Variants in ATP9B observed in about 807,000 individuals in gnomAD.
The protein encoded by ATP9B is ATPase phospholipid transporting 9B, also known as probable phospholipid-transporting ATPase IIB.
Under a neutral mutation model 146.1 loss-of-function variants are expected in ATP9B, and 110 were observed. The ratio of observed to expected loss-of-function variants is 0.75; its 90% CI spans 0.65 to 0.88. The LOEUF is 0.88. Among genes scored for constraint, ATP9B ranks in the 40% least tolerant of loss-of-function variants. The pLI is 0.00. For synonymous variants in ATP9B, 604 were observed against 569.7 expected (o/e 1.06, Z -0.86); for missense variants, 1,499 against 1,496.4 (o/e 1.00, Z -0.03).
intron 8 of ATP9B, among the ~76,000 whole-genome samples, chr18:79,182,145 C>G (rs1453519947): frequency 6.6e-6 from 1 of 152,140 alleles, no homozygotes; most frequent in Non-Finnish European, 1.5e-5. Context: ...CTAATTAATC[C>G]TGTTGCTAGA....
At chr18:79,079,991 G>C (rs1052320015) in intron 1 of ATP9B, among the ~76,000 whole-genome samples, 3 of 152,124 alleles carry the variant, frequency 2.0e-5, no homozygotes, top group Non-Finnish European at 2.9e-5. Flanking sequence ...CCTCTTTTCT[G>C]TTACATTGGT....
At chr18:79,329,087 G>A in intron 15 of ATP9B, 54 bp from the exon 16 acceptor site, 2 of 1,450,354 alleles carry the variant, frequency 1.4e-6, no homozygotes, top group South Asian at 1.5e-5. Flanking sequence ...TGGCTCGCCT[G>A]CGTGCGGCTT....
At chr18:79,072,036 T>A (rs2071911783) in intron 1 of ATP9B, among the ~76,000 whole-genome samples, 2 of 152,126 alleles carry the variant, frequency 1.3e-5, no homozygotes, top group Admixed American at 6.5e-5. Context: ...GAAAGTTGGA[T>A]CTTATGTTGG....
In ATP9B at chr18:79,195,573, G is replaced by C. The variant is rs1165243148; in HGVS notation, c.954+2310G>C. Among the ~76,000 whole-genome samples, 3 of 152,088 alleles carry C rather than the reference G, an allele frequency of 2.0e-5. No homozygotes were observed. In the East Asian group the frequency reaches 5.8e-4, roughly 29 times the overall value. ...GTTACTAACCAAACAATGGTACTTAGGAAAGAACACCATAAATCAGACATT... is the reference window on the plus strand; with the variant it reads ...GTTACTAACCAAACAATGGTACTTACGAAAGAACACCATAAATCAGACATT... On this transcript the variant is annotated intron_variant, in intron 9 of 29. Coordinates refer to ENST00000426216, the MANE Select transcript of ATP9B (RefSeq NM_198531.5).
At chr18:79,131,850 C>T (rs2094382867) in intron 5 of ATP9B, among the ~76,000 whole-genome samples, 1 of 152,180 alleles carries the variant, frequency 6.6e-6, no homozygotes, top group African/African-American at 2.4e-5. Context: ...GTGGAAGAAG[C>T]CAGATGAAAA....
At chr18:79,101,634 C>T (rs952532044) in intron 2 of ATP9B, among the ~76,000 whole-genome samples, 7 of 151,154 alleles carry the variant, frequency 4.6e-5, no homozygotes, top group African/African-American at 1.5e-4. Flanking sequence ...GTTGCTGTAC[C>T]ATTTTACATT....
intron 1 of ATP9B, among the ~76,000 whole-genome samples, chr18:79,089,103 C>G (rs964477541): frequency 1.3e-5 from 2 of 151,958 alleles, no homozygotes; most frequent in African/African-American, 4.8e-5. Flanking sequence ...TTTGGCGATG[C>G]AGGGGGAAAG....
intron 12 of ATP9B, among the ~76,000 whole-genome samples, chr18:79,266,470 A>C (rs1310437151): frequency 1.3e-5 from 2 of 151,922 alleles, no homozygotes; most frequent in African/African-American, 4.8e-5. Context: ...TTTCTGCAGC[A>C]AAGATCTTCA....
intron 7 of ATP9B, among the ~76,000 whole-genome samples, 170 bp from the exon 8 acceptor site, chr18:79,176,643 G>GA (rs1488689502): frequency 1.3e-5 from 2 of 152,160 alleles, no homozygotes; most frequent in African/African-American, 4.8e-5. Flanking sequence ...GTGAATCAAG[G>GA]AACATTGTGT....
rs371805982 is a variant in ATP9B, at chr18:79,220,050, TA to T, written c.1107+6013del. Among the ~76,000 whole-genome samples, 13 of 152,230 alleles carry T rather than the reference TA, an allele frequency of 8.5e-5. No homozygotes were observed. In the South Asian group the frequency reaches 1.7e-3, roughly 19 times the overall value. On this transcript the variant is annotated intron_variant, in intron 11 of 29. Transcript: ENST00000426216. ...AGGAGCCCCAACGCAGAAGCAGAGA[TA>T]GGCTGCTGGGCTGGTGCAGAGGTTT...
intron 1 of ATP9B, among the ~76,000 whole-genome samples, chr18:79,082,778 G>A (rs1178100830): frequency 6.6e-6 from 1 of 152,222 alleles, no homozygotes; most frequent in Non-Finnish European, 1.5e-5. Context: ...TCCTCTGGAA[G>A]CTTCGTCCCA....
At chr18:79,087,998 T>G (rs1274179829) in intron 1 of ATP9B, among the ~76,000 whole-genome samples, 4 of 152,206 alleles carry the variant, frequency 2.6e-5, no homozygotes. Context: ...CAAAGACACT[T>G]AAGATTCTGC....
chr18:79,365,337 G>A (rs1404775155), intron 26 of ATP9B, among the ~76,000 whole-genome samples: 1 of 152,106 alleles, frequency 6.6e-6, no homozygotes, highest in African/African-American at 2.4e-5. Context: ...TAGAACAGCC[G>A]AAATACCAGC....
intron 9 of ATP9B, among the ~76,000 whole-genome samples, chr18:79,201,088 T>C (rs12455772): frequency 0.77 from 117,510 of 152,136 alleles, 45,695 homozygotes; most frequent in African/African-American, 0.8. Flanking sequence ...GAGAAACTTA[T>C]TTGTGGTTTT....
At chr18:79,376,214 C>CACACACACACACACACACACACAAAAAA in intron 29 of ATP9B, 1 of 528,146 alleles carries the variant, frequency 1.9e-6, no homozygotes, top group Non-Finnish European at 2.3e-6. Flanking sequence ...CACACACACA[C>CACACACACACACACACACACACAAAAAA]AAAACAAAAC....
At chr18:79,276,538 A>G (rs1364619393) in intron 12 of ATP9B, among the ~76,000 whole-genome samples, 1 of 152,166 alleles carries the variant, frequency 6.6e-6, no homozygotes, top group Non-Finnish European at 1.5e-5. Flanking sequence ...CCCATTTCCC[A>G]TGTTGATTTG....
At chr18:79,327,962 C>A (rs1386215467) in intron 15 of ATP9B, among the ~76,000 whole-genome samples, 2 of 130,632 alleles carry the variant, frequency 1.5e-5, no homozygotes, top group Admixed American at 1.6e-4. Context: ...AGCGTGCTCT[C>A]CGTGGTTAGC....
At chr18:79,131,090 G>A (rs548574655) in intron 5 of ATP9B, among the ~76,000 whole-genome samples, 2 of 152,298 alleles carry the variant, frequency 1.3e-5, no homozygotes, top group African/African-American at 4.8e-5. Flanking sequence ...GAACCTGGGA[G>A]GCAGAGGTTG....
chr18:79,265,434 A>G (rs983657589), intron 12 of ATP9B, among the ~76,000 whole-genome samples: 2 of 151,960 alleles, frequency 1.3e-5, no homozygotes, highest in Non-Finnish European at 1.5e-5. Flanking sequence ...GTGAGCCACC[A>G]CGCCTGGCCC....
Sources: allele counts gnomAD v4.1 joint callset (sites outside exome capture counted in the v4.1 genomes callset), GRCh38; gene constraint gnomAD v4.1.1; transcripts MANE v1.5; gene names NCBI Gene and HGNC (gene_info 2026-07-23, HGNC 2026-07-21).